Variants in CTIF observed in about 807,000 individuals in gnomAD.
The protein encoded by CTIF is CBP80/20-dependent translation initiation factor.
CTIF carries 21 observed loss-of-function variants against 66.0 expected under a neutral mutation model. The observed-to-expected ratio is 0.32, with a 90% CI of 0.23 to 0.46. The LOEUF (loss-of-function observed/expected upper bound fraction) is 0.46. Among genes scored for constraint, CTIF ranks in the 20% least tolerant of loss-of-function variants. CTIF has a pLI of 1.00. For missense variants in CTIF, 739 were observed against 812.7 expected (o/e 0.91, Z 1.10); for synonymous variants, 345 against 326.4 (o/e 1.06, Z -0.62).
chr18:48,736,096 C>T (rs2092500156), intron 7 of CTIF, among the ~76,000 whole-genome samples: 1 of 152,174 alleles, frequency 6.6e-6, no homozygotes, highest in Non-Finnish European at 1.5e-5. Context: ...TACCAAGCCG[C>T]CTCTGGGTGC....
chr18:48,738,070 C>G (rs1332194580), intron 7 of CTIF, among the ~76,000 whole-genome samples: 2 of 152,220 alleles, frequency 1.3e-5, no homozygotes, highest in East Asian at 1.9e-4. Context: ...CTCCCTCTGT[C>G]TTCCCCATCT....
chr18:48,609,726 G>A (rs538397314), intron 1 of CTIF, among the ~76,000 whole-genome samples: 5 of 152,334 alleles, frequency 3.3e-5, no homozygotes, highest in Admixed American at 1.3e-4. Context: ...GCTGTCTGGT[G>A]GCCCTGCACA....
intron 1 of CTIF, among the ~76,000 whole-genome samples, chr18:48,611,687 C>T (rs570345017): frequency 2.0e-5 from 3 of 152,316 alleles, no homozygotes; most frequent in South Asian, 2.1e-4. Context: ...CTGTGATTGT[C>T]GTACTCATTA....
chr18:48,841,721 G>A lies in CTIF; in HGVS notation c.1528-15867G>A, dbSNP rs967495419. Among the ~76,000 whole-genome samples the A allele has an allele frequency of 9.2e-5, 14 of 152,230 alleles. 1 individual carries two copies. The highest frequency in any genetic ancestry group is 7.8e-4 in the Admixed American group (12 of 15,302). ...CAGGCCCCTCTCCCACCAGCCCGGT[G>A]CCTGGGAAGCGCTCACTGTCTCCTC... On this transcript the variant is annotated intron_variant, in intron 10 of 11. Transcript: ENST00000256413.
At chr18:48,718,054 T>G (rs1376418665) in intron 7 of CTIF, among the ~76,000 whole-genome samples, 1 of 152,210 alleles carries the variant, frequency 6.6e-6, no homozygotes, top group African/African-American at 2.4e-5. Flanking sequence ...CTCTTCAACC[T>G]TGATATTTTC....
At chr18:48,594,225 A>G (rs2089948130) in intron 1 of CTIF, among the ~76,000 whole-genome samples, 1 of 152,108 alleles carries the variant, frequency 6.6e-6, no homozygotes, top group Non-Finnish European at 1.5e-5. Context: ...ATGCGGATGC[A>G]CGGGGTCCCA....
At chr18:48,832,774 C>A (rs146774517) in intron 10 of CTIF, among the ~76,000 whole-genome samples, 67 of 152,334 alleles carry the variant, frequency 4.4e-4, no homozygotes, top group African/African-American at 1.5e-3. Context: ...TTAGGAAACG[C>A]AAACACACTT....
At chr18:48,646,412 T>C (rs1161499439) in intron 3 of CTIF, among the ~76,000 whole-genome samples, 2 of 150,800 alleles carry the variant, frequency 1.3e-5, no homozygotes, top group African/African-American at 4.9e-5. Context: ...ATAATTTTTT[T>C]TAAAGTGACA....
At chr18:48,561,870 T>C (rs537402957) in intron 1 of CTIF, among the ~76,000 whole-genome samples, 2 of 152,304 alleles carry the variant, frequency 1.3e-5, no homozygotes, top group Admixed American at 1.3e-4. Context: ...AGGCTGGGGG[T>C]TGGCAAACTA....
At chr18:48,640,397 G>A (rs1456944558) in intron 3 of CTIF, among the ~76,000 whole-genome samples, 1 of 152,236 alleles carries the variant, frequency 6.6e-6, no homozygotes, top group Non-Finnish European at 1.5e-5. Context: ...GCACTCAATA[G>A]TGATGCCTGA....
chr18:48,739,690 G>A (rs887812994), intron 7 of CTIF, among the ~76,000 whole-genome samples: 3 of 152,216 alleles, frequency 2.0e-5, no homozygotes, highest in Non-Finnish European at 2.9e-5. Context: ...GGCCCTTGGC[G>A]GGGCCCTTCC....
At chr18:48,837,091 A>G (rs2068828673) in intron 10 of CTIF, among the ~76,000 whole-genome samples, 1 of 152,182 alleles carries the variant, frequency 6.6e-6, no homozygotes, top group Admixed American at 6.5e-5. Flanking sequence ...CGAGCTGCCA[A>G]GGACTGGGGA....
chr18:48,711,165 C>T (rs1167658250), intron 6 of CTIF, among the ~76,000 whole-genome samples: 1 of 152,150 alleles, frequency 6.6e-6, no homozygotes, highest in African/African-American at 2.4e-5. Flanking sequence ...CCTCCTTGGT[C>T]CTCTAGCAGC....
At position 48,582,122 on chromosome 18, in the gene CTIF, G is replaced by A. The variant is rs186285454; in HGVS notation, c.-28-37416G>A. Among the ~76,000 whole-genome samples, 33 of 152,162 alleles carry A rather than the reference G, an allele frequency of 2.2e-4. 1 individual carries two copies. Among genetic ancestry groups the A allele is most frequent in the Middle Eastern group, 6.8e-3 (2 of 294 alleles). ...AGGCGTGGTGGGGTGTGGGGGCTGG[G>A]TACCCTGAGAGTGTGGTGCTGTAAT... On this transcript the variant is annotated intron_variant, in intron 1 of 11. Coordinates refer to ENST00000256413, the MANE Select transcript of CTIF (RefSeq NM_014772.3).
intron 1 of CTIF, among the ~76,000 whole-genome samples, chr18:48,589,580 CTAAT>C (rs2089845290): frequency 6.6e-6 from 1 of 152,212 alleles, no homozygotes; most frequent in Non-Finnish European, 1.5e-5. Flanking sequence ...CACAGCTGAG[CTAAT>C]GCAGTGTGGT....
chr18:48,578,692 T>G (rs1485654436), intron 1 of CTIF, among the ~76,000 whole-genome samples: 1 of 152,222 alleles, frequency 6.6e-6, no homozygotes, highest in Non-Finnish European at 1.5e-5. Flanking sequence ...TTTAGTTTGG[T>G]TATTTGTCTT....
At chr18:48,648,308 C>A (rs1309687467) in intron 3 of CTIF, among the ~76,000 whole-genome samples, 1 of 152,130 alleles carries the variant, frequency 6.6e-6, no homozygotes, top group Non-Finnish European at 1.5e-5. Flanking sequence ...GATGTCCCAG[C>A]ATGAAAGGAA....
At chr18:48,586,425 C>CA (rs1349329691) in intron 1 of CTIF, among the ~76,000 whole-genome samples, 1 of 152,118 alleles carries the variant, frequency 6.6e-6, no homozygotes, top group Non-Finnish European at 1.5e-5. Context: ...CGTATGCCAC[C>CA]ATGCCCGGCT....
At chr18:48,747,751 T>TA (rs10711852) in intron 7 of CTIF, among the ~76,000 whole-genome samples, 104 of 141,604 alleles carry the variant, frequency 7.3e-4, no homozygotes, top group East Asian at 1.4e-3. Context: ...CTACAAAAAT[T>TA]AAAAAAAAAA....
Sources: gnomAD v4.1 joint callset for allele counts (sites outside exome capture counted in the v4.1 genomes callset) on GRCh38, gnomAD v4.1.1 for gene constraint, MANE v1.5 for transcripts, NCBI Gene and HGNC (gene_info 2026-07-23, HGNC 2026-07-21) for gene names.